GRIK1: variants seen among roughly 807,000 people sequenced by gnomAD.
GRIK1 encodes glutamate ionotropic receptor kainate type subunit 1, also known as glutamate receptor ionotropic, kainate 1.
A neutral mutation model predicts 105.7 loss-of-function variants in GRIK1; 69 were observed. That is an observed-to-expected ratio of 0.65 (90% confidence interval 0.54 to 0.80). GRIK1 has a LOEUF of 0.80. Among genes scored for constraint, GRIK1 ranks in the 30% least tolerant of loss-of-function variants. The probability of loss-of-function intolerance (pLI) is 0.00; values close to 1 mark genes in which losing one functional copy is unlikely to be tolerated. For synonymous variants in GRIK1, 438 were observed against 431.3 expected (o/e 1.02, Z -0.19); for missense variants, 1,109 against 1,167.3 (o/e 0.95, Z 0.73).
intron 1 of GRIK1, among the ~76,000 whole-genome samples, chr21:29,737,236 T>C (rs1419936328): frequency 1.3e-5 from 2 of 152,204 alleles, no homozygotes; most frequent in Admixed American, 6.5e-5. Context: ...TGGGCAGTAA[T>C]TCTGGCTCTA....
chr21:29,895,713 G>T lies in GRIK1; in HGVS notation c.118+43670C>A, dbSNP rs183702524. On this transcript the variant is annotated intron_variant, in intron 1 of 17. Transcript: ENST00000327783. ...TCATATTGGTCTTCCTTTAATACAT[G>T]CAGGACAGTATCATCATTAGTATGG... Among the ~76,000 whole-genome samples, 10 of 152,232 alleles carry T rather than the reference G, an allele frequency of 6.6e-5. No individual in the cohort carries two copies. In the East Asian group the frequency reaches 7.7e-4, roughly 12 times the overall value.
chr21:29,620,808 T>TATATATATCTATATATATATAG (rs2061978567), intron 7 of GRIK1, among the ~76,000 whole-genome samples: 12 of 122,610 alleles, frequency 9.8e-5, no homozygotes, highest in South Asian at 5.6e-4. Flanking sequence ...TATATATAGA[T>TATATATATCTATATATATATAG]ATATATATAT....
At position 29,651,152 on chromosome 21, in the gene GRIK1, C is replaced by T. The variant is rs371506003; in HGVS notation, c.920G>A (p.Arg307Lys). ...WSMERLQAPPRPETGLLDGMM... is the reference protein window; with the variant it reads ...WSMERLQAPPKPETGLLDGMM... ...GCCATCCAAAAGGCCAGTCTCGGGC[C>T]TGGGTGGGGCCTGCAGTCTCTCCAT... The change falls in exon 6 of 18, where the codon AGG becomes AAG. Residue 307 changes from arginine to lysine, a missense_variant. Transcript: ENST00000327783. The T allele has an allele frequency of 2.4e-5, 38 of 1,612,716 alleles. No homozygotes were observed. The highest frequency in any genetic ancestry group is 3.0e-5 in the Non-Finnish European group (35 of 1,179,628).
In GRIK1 at chr21:29,587,547, G is replaced by T. The variant is rs1375215944; in HGVS notation, c.1612C>A (p.Arg538=). The T allele has an allele frequency of 5.6e-6, 9 of 1,613,298 alleles. No individual in the cohort carries two copies. Among genetic ancestry groups the T allele is most frequent in the Non-Finnish European group, 7.6e-6 (9 of 1,179,332 alleles). Residue 538 remains arginine (R), a synonymous_variant, in exon 12 of 18, where the codon CGG becomes AGG. Transcript: ENST00000327783. ...TTGGAGAAGTCAATGACTTTCTCCC[G>T]CACGTAGGTGATGGTAAGAGGAGCC... ...AVAPLTITYV[R]EKVIDFSKPF... is the part of the protein sequence containing the mutation.
intron 1 of GRIK1, among the ~76,000 whole-genome samples, chr21:29,795,403 C>T (rs1310229858): frequency 5.3e-5 from 8 of 152,252 alleles, no homozygotes; most frequent in South Asian, 2.1e-4. Flanking sequence ...CACCAGTTCA[C>T]ACCATGTAAA....
intron 1 of GRIK1, among the ~76,000 whole-genome samples, chr21:29,814,897 T>G (rs2067113640): frequency 6.6e-6 from 1 of 152,142 alleles, no homozygotes; most frequent in Non-Finnish European, 1.5e-5. Flanking sequence ...GAAAGTCTTG[T>G]TTCAAAGCTA....
chr21:29,921,505 C>CA (rs570207364), intron 1 of GRIK1, among the ~76,000 whole-genome samples: 2 of 151,944 alleles, frequency 1.3e-5, no homozygotes, highest in Non-Finnish European at 2.9e-5. Flanking sequence ...AATAAACAAA[C>CA]AAAAAAATAC....
At chr21:29,558,524 CA>C (rs563279314) in intron 15 of GRIK1, among the ~76,000 whole-genome samples, 86 of 151,538 alleles carry the variant, frequency 5.7e-4, no homozygotes, top group Middle Eastern at 3.5e-3. Context: ...CCATCTGTTC[CA>C]ATTATTCCTT....
At chr21:29,761,425 G>A (rs2065515677) in intron 1 of GRIK1, 1 of 152,116 alleles carries the variant, frequency 6.6e-6, no homozygotes, top group Admixed American at 6.5e-5. Context: ...TTGAGGTACT[G>A]AAAACAGTCC....
chr21:29,900,217 G>T (rs576291438), intron 1 of GRIK1, among the ~76,000 whole-genome samples: 138 of 152,042 alleles, frequency 9.1e-4, no homozygotes, highest in African/African-American at 3.1e-3. Flanking sequence ...TGAAGAAACT[G>T]CATCAATTAA....
At chr21:29,654,782 G>A in intron 5 of GRIK1, 28 bp downstream of exon 5, 1 of 1,302,528 alleles carries the variant, frequency 7.7e-7, no homozygotes, top group Non-Finnish European at 1.1e-6. Flanking sequence ...CCTACCATGT[G>A]GAATACATTT....
intron 4 of GRIK1, among the ~76,000 whole-genome samples, chr21:29,661,246 C>A (rs997499704): frequency 1.6e-4 from 24 of 152,180 alleles, no homozygotes; most frequent in African/African-American, 5.8e-4. Flanking sequence ...AGAAAGATAT[C>A]CATCTACTTA....
intron 1 of GRIK1, among the ~76,000 whole-genome samples, chr21:29,847,697 T>C (rs1366022438): frequency 6.6e-6 from 1 of 152,230 alleles, no homozygotes; most frequent in Non-Finnish European, 1.5e-5. Context: ...GTTGTCTCTT[T>C]ACTACATCAA....
intron 7 of GRIK1, among the ~76,000 whole-genome samples, chr21:29,628,351 A>G (rs146583117): frequency 2.1e-3 from 317 of 152,370 alleles, no homozygotes; most frequent in African/African-American, 7.1e-3. Flanking sequence ...TGTTCAATAT[A>G]TAATTATTTT....
At chr21:29,656,354 CAAAAAAAAAAAAAAAAA>C (rs3054331) in intron 4 of GRIK1, among the ~76,000 whole-genome samples, 22 of 51,172 alleles carry the variant, frequency 4.3e-4, no homozygotes, top group East Asian at 3.2e-3. Context: ...GAGCGAGACT[CAAAAAAAAAAAAAAAAA>C]AAAAAAAAAA....
At chr21:29,817,640 A>G (rs1427173741) in intron 1 of GRIK1, among the ~76,000 whole-genome samples, 1 of 152,040 alleles carries the variant, frequency 6.6e-6, no homozygotes, top group Admixed American at 6.6e-5. Flanking sequence ...CACCCTAGAG[A>G]ATGGTTACAC....
At chr21:29,894,750 C>A (rs994155417) in intron 1 of GRIK1, among the ~76,000 whole-genome samples, 3 of 152,160 alleles carry the variant, frequency 2.0e-5, no homozygotes. Flanking sequence ...AGATTTTAAT[C>A]GGCGGGATGG....
rs144704276 is a variant in GRIK1, at chr21:29,831,182, C to T, written c.118+108201G>A. Among the ~76,000 whole-genome samples the T allele has an allele frequency of 7.0e-3, 1,059 of 152,272 alleles. 12 individuals carry two copies. Among genetic ancestry groups the T allele is most frequent in the African/African-American group, 0.024 (1,013 of 41,566 alleles). ...GCTAGAGACAAATGTTTGTGCCCAA[C>T]CTTCATAAATAAGGAGTGAGAAAAG... On this transcript the variant is annotated intron_variant, in intron 1 of 17. Transcript: ENST00000327783.
intron 6 of GRIK1, among the ~76,000 whole-genome samples, chr21:29,646,286 G>T (rs2062616401): frequency 6.6e-6 from 1 of 152,124 alleles, no homozygotes; most frequent in Admixed American, 6.6e-5. Flanking sequence ...CCCAAGGCTT[G>T]GGTGAGCTTC....
Sources: gnomAD v4.1 joint callset for allele counts (sites outside exome capture counted in the v4.1 genomes callset) on GRCh38, gnomAD v4.1.1 for gene constraint, MANE v1.5 for transcripts, NCBI Gene and HGNC (gene_info 2026-07-23, HGNC 2026-07-21) for gene names.